Variants in SAMD12 observed in about 807,000 individuals in gnomAD.
The protein encoded by SAMD12 is sterile alpha motif domain-containing protein 12.
SAMD12 carries 9 observed loss-of-function variants against 15.0 expected under a neutral mutation model. The observed-to-expected ratio is 0.60, with a 90% CI of 0.36 to 1.05. The LOEUF (loss-of-function observed/expected upper bound fraction) is 1.05. Ranked by LOEUF, SAMD12 falls within the 50% of genes least tolerant of loss-of-function variation. The probability of loss-of-function intolerance (pLI) is 0.01; values close to 1 mark genes in which losing one functional copy is unlikely to be tolerated. For synonymous variants in SAMD12, 86 were observed against 90.1 expected (o/e 0.96, Z 0.25); for missense variants, 230 against 234.2 (o/e 0.98, Z 0.12).
intron 4 of SAMD12, among the ~76,000 whole-genome samples, chr8:118,211,749 G>A (rs900036189): frequency 6.6e-6 from 1 of 151,930 alleles, no homozygotes; most frequent in Non-Finnish European, 1.5e-5. Flanking sequence ...CAGTGGCCCA[G>A]CCCCATGAAA....
At chr8:118,539,100 C>G (rs1311257972) in intron 2 of SAMD12, among the ~76,000 whole-genome samples, 1 of 152,200 alleles carries the variant, frequency 6.6e-6, no homozygotes, top group Non-Finnish European at 1.5e-5. Flanking sequence ...ACATTCAGCA[C>G]AAACGGCCTA....
At chr8:118,428,897 T>C (rs1822316223) in intron 3 of SAMD12, among the ~76,000 whole-genome samples, 1 of 152,202 alleles carries the variant, frequency 6.6e-6, no homozygotes, top group South Asian at 2.1e-4. Context: ...GTTTGTTCTT[T>C]TTCTATATGA....
chr8:118,182,755 G>T, the SAMD12 span, among the ~76,000 whole-genome samples: 15 of 152,186 alleles, frequency 9.9e-5, 1 homozygote, highest in South Asian at 3.1e-3. Context: ...AACAAAAAAG[G>T]GTGTTTAAAA....
chr8:118,514,287 T>A (rs1304730581), intron 2 of SAMD12, among the ~76,000 whole-genome samples: 1 of 152,258 alleles, frequency 6.6e-6, no homozygotes, highest in Non-Finnish European at 1.5e-5. Context: ...TACAAAATGC[T>A]TCCTCTCAAT....
chr8:118,438,148 G>T (rs558029820), intron 3 of SAMD12, among the ~76,000 whole-genome samples: 1 of 152,266 alleles, frequency 6.6e-6, no homozygotes, highest in East Asian at 1.9e-4. Context: ...ACTTGGAATC[G>T]AAGCTAAGTA....
At chr8:118,155,130 A>G in the SAMD12 span, among the ~76,000 whole-genome samples, 13 of 152,306 alleles carry the variant, frequency 8.5e-5, no homozygotes, top group South Asian at 2.5e-3. Flanking sequence ...GAATATGCAT[A>G]TATGTATTTA....
chr8:118,393,441 T>C (rs1344430632), intron 3 of SAMD12, among the ~76,000 whole-genome samples: 1 of 151,900 alleles, frequency 6.6e-6, no homozygotes, highest in East Asian at 1.9e-4. Context: ...AGGGTCTCCT[T>C]ATGCTGCCCG....
intron 3 of SAMD12, among the ~76,000 whole-genome samples, chr8:118,414,674 A>G (rs1247463202): frequency 6.6e-6 from 1 of 152,200 alleles, no homozygotes; most frequent in African/African-American, 2.4e-5. Context: ...AAAGGATGGC[A>G]GTAATCCCTT....
At chr8:118,343,913 T>G (rs966960591) in intron 4 of SAMD12, among the ~76,000 whole-genome samples, 16 of 152,234 alleles carry the variant, frequency 1.1e-4, no homozygotes, top group Non-Finnish European at 1.5e-5. Flanking sequence ...TTCAGCTATC[T>G]GATTTGTGAA....
At chr8:118,245,549 T>G (rs1474743386) in intron 4 of SAMD12, among the ~76,000 whole-genome samples, 1 of 152,142 alleles carries the variant, frequency 6.6e-6, no homozygotes, top group Non-Finnish European at 1.5e-5. Flanking sequence ...TTAAATCATT[T>G]GGGCAACATT....
chr8:118,355,640 A>G (rs541255732), intron 4 of SAMD12, among the ~76,000 whole-genome samples: 3 of 152,206 alleles, frequency 2.0e-5, no homozygotes, highest in Non-Finnish European at 4.4e-5. Context: ...AAAAACTAAA[A>G]ATCCTCTCTA....
intron 2 of SAMD12, among the ~76,000 whole-genome samples, chr8:118,447,997 G>A (rs1822969730): frequency 6.6e-6 from 1 of 151,934 alleles, no homozygotes; most frequent in Non-Finnish European, 1.5e-5. Context: ...CAAAGTGCTG[G>A]GATTACAGGC....
At chr8:118,384,226 CAG>C (rs913885979) in intron 3 of SAMD12, among the ~76,000 whole-genome samples, 1 of 152,140 alleles carries the variant, frequency 6.6e-6, no homozygotes, top group Non-Finnish European at 1.5e-5. Context: ...TCAGAGAAGA[CAG>C]GGTCAGATCA....
chr8:118,202,907 T>C (rs1819753531), intron 4 of SAMD12, among the ~76,000 whole-genome samples: 1 of 152,240 alleles, frequency 6.6e-6, no homozygotes, highest in South Asian at 2.1e-4. Flanking sequence ...CTCACATTTA[T>C]GGAACGATTA....
chr8:118,140,758 A>G, the SAMD12 span, among the ~76,000 whole-genome samples: 2 of 152,190 alleles, frequency 1.3e-5, no homozygotes, highest in East Asian at 3.8e-4. Context: ...ATTCTGGCCA[A>G]TTAGTGAGTG....
chr8:118,251,570 C>T (rs910060788), intron 4 of SAMD12, among the ~76,000 whole-genome samples: 9 of 152,048 alleles, frequency 5.9e-5, no homozygotes, highest in African/African-American at 1.2e-4. Flanking sequence ...ACTTCTTTCT[C>T]GGAATGGAAA....
At chr8:118,427,574 CG>C (rs1025443697) in intron 3 of SAMD12, among the ~76,000 whole-genome samples, 2 of 151,934 alleles carry the variant, frequency 1.3e-5, no homozygotes, top group Non-Finnish European at 2.9e-5. Context: ...TTGGGTTTAA[CG>C]TGTTTCACCG....
At chr8:118,153,946 G>A in the SAMD12 span, among the ~76,000 whole-genome samples, 11 of 151,864 alleles carry the variant, frequency 7.2e-5, no homozygotes, top group Non-Finnish European at 1.5e-4. Flanking sequence ...TTCTCTCCCA[G>A]TGTCTCCACT....
At chr8:118,278,946 T>A (rs563598591) in intron 4 of SAMD12, among the ~76,000 whole-genome samples, 17 of 152,316 alleles carry the variant, frequency 1.1e-4, no homozygotes, top group Admixed American at 8.5e-4. Flanking sequence ...TGTGTAAGGT[T>A]TGCCCCAAAA....
Sources: allele counts gnomAD v4.1 joint callset (sites outside exome capture counted in the v4.1 genomes callset), GRCh38; gene constraint gnomAD v4.1.1; transcripts MANE v1.5; gene names NCBI Gene and HGNC (gene_info 2026-07-23, HGNC 2026-07-21).